Variants in ZNF804A observed in about 807,000 individuals in gnomAD.
ZNF804A encodes the protein zinc finger protein 804A.
A neutral mutation model predicts 16.5 loss-of-function variants in ZNF804A; 2 were observed. The ratio of observed to expected loss-of-function variants is 0.12; its 90% CI spans 0.05 to 0.38. The LOEUF (loss-of-function observed/expected upper bound fraction) is 0.38, where lower values mean the gene tolerates loss of function less well. ZNF804A is among the 10% of genes least tolerant of loss of function. ZNF804A has a pLI of 0.99. For synonymous variants in ZNF804A, 534 were observed against 489.6 expected (o/e 1.09, Z -1.20); for missense variants, 1,473 against 1,390.7 (o/e 1.06, Z -0.94).
chr2:184,637,558 A>G (rs1054096151), intron 1 of ZNF804A, among the ~76,000 whole-genome samples: 1 of 152,150 alleles, frequency 6.6e-6, no homozygotes, highest in Non-Finnish European at 1.5e-5. Flanking sequence ...CCAGGTTCCT[A>G]ATCTGTTAAT....
intron 1 of ZNF804A, among the ~76,000 whole-genome samples, chr2:184,754,807 C>T (rs1164803667): frequency 6.6e-6 from 1 of 151,506 alleles, no homozygotes; most frequent in African/African-American, 2.4e-5. Context: ...TTAGTGTAAT[C>T]ATATAAAAGT....
chr2:184,781,184 A>G (rs1400404218), intron 1 of ZNF804A, among the ~76,000 whole-genome samples: 2 of 151,778 alleles, frequency 1.3e-5, no homozygotes, highest in Non-Finnish European at 2.9e-5. Context: ...ACATCATTGC[A>G]GGAAATGACA....
intron 2 of ZNF804A, among the ~76,000 whole-genome samples, chr2:184,914,642 A>G (rs1443430358): frequency 1.3e-5 from 2 of 152,168 alleles, no homozygotes; most frequent in African/African-American, 2.4e-5. Flanking sequence ...AGGAGAAAAC[A>G]CTTGCTAAAC....
intron 1 of ZNF804A, among the ~76,000 whole-genome samples, chr2:184,603,135 T>C (rs376486774): frequency 6.6e-6 from 1 of 152,192 alleles, no homozygotes; most frequent in African/African-American, 2.4e-5. Flanking sequence ...AAAGAACTGC[T>C]AATTTACTAA....
At chr2:184,872,532 A>G (rs1004109329) in intron 2 of ZNF804A, among the ~76,000 whole-genome samples, 3 of 152,290 alleles carry the variant, frequency 2.0e-5, no homozygotes, top group African/African-American at 7.2e-5. Flanking sequence ...TAGACCATAT[A>G]TGATAAACCT....
chr2:184,725,938 A>C (rs1453335663), intron 1 of ZNF804A, among the ~76,000 whole-genome samples: 1 of 151,640 alleles, frequency 6.6e-6, no homozygotes, highest in Non-Finnish European at 1.5e-5. Flanking sequence ...CCTGAGATAC[A>C]TTTAAGGTGT....
intron 1 of ZNF804A, among the ~76,000 whole-genome samples, chr2:184,844,210 T>C (rs1250876551): frequency 6.6e-6 from 1 of 151,682 alleles, no homozygotes. Context: ...CTGTGATTCA[T>C]TTCATTTATA....
intron 1 of ZNF804A, among the ~76,000 whole-genome samples, chr2:184,621,235 A>T (rs1691413675): frequency 4.6e-5 from 7 of 151,742 alleles, no homozygotes; most frequent in Admixed American, 4.6e-4. Context: ...CAACACTGGT[A>T]GATAATTTTT....
In ZNF804A at chr2:184,733,416, T is replaced by G. The variant is rs898192254; in HGVS notation, c.112-132953T>G. On this transcript the variant is annotated intron_variant, in intron 1 of 3. Transcript: ENST00000302277. ...ATGTATTATTATTTTTATGAATTGT[T>G]GGATTTGATTTGATATAATTTGGAG... Among the ~76,000 whole-genome samples the G allele has an allele frequency of 2.6e-5, 4 of 152,118 alleles. 1 individual carries two copies. The highest frequency in any genetic ancestry group is 5.9e-5 in the Non-Finnish European group (4 of 68,006).
At chr2:184,707,383 T>C (rs1162669102) in intron 1 of ZNF804A, among the ~76,000 whole-genome samples, 1 of 152,150 alleles carries the variant, frequency 6.6e-6, no homozygotes, top group Non-Finnish European at 1.5e-5. Context: ...GGGATACAGA[T>C]GATCCTGTCA....
intron 1 of ZNF804A, among the ~76,000 whole-genome samples, chr2:184,818,950 C>T (rs897496164): frequency 4.6e-5 from 7 of 152,052 alleles, no homozygotes; most frequent in South Asian, 2.1e-4. Flanking sequence ...AGGACTCCCA[C>T]ACAATACTAG....
intron 1 of ZNF804A, among the ~76,000 whole-genome samples, chr2:184,855,509 C>T (rs1695672705): frequency 6.6e-6 from 1 of 151,918 alleles, no homozygotes; most frequent in Admixed American, 6.6e-5. Context: ...CCAAATGTGA[C>T]TTCATGAATT....
chr2:184,864,203 A>G (rs1695840813), intron 1 of ZNF804A, among the ~76,000 whole-genome samples: 1 of 152,110 alleles, frequency 6.6e-6, no homozygotes, highest in African/African-American at 2.4e-5. Context: ...ATGGAAGGGG[A>G]AGGGGAGCTG....
chr2:184,620,156 A>G (rs1691394358), intron 1 of ZNF804A, among the ~76,000 whole-genome samples: 1 of 151,870 alleles, frequency 6.6e-6, no homozygotes, highest in South Asian at 2.1e-4. Context: ...ACATAAAGTA[A>G]TCACACTTAA....
intron 1 of ZNF804A, among the ~76,000 whole-genome samples, chr2:184,602,059 T>C (rs532740981): frequency 1.3e-5 from 2 of 152,068 alleles, no homozygotes; most frequent in South Asian, 4.1e-4. Flanking sequence ...AACGTTATCC[T>C]GCCATTCATA....
intron 2 of ZNF804A, among the ~76,000 whole-genome samples, chr2:184,871,777 ATATTT>A (rs1489804831): frequency 1.3e-5 from 2 of 152,050 alleles, no homozygotes; most frequent in Non-Finnish European, 2.9e-5. Context: ...AGTTGATTTA[ATATTT>A]TAGTTTAGTT....
intron 1 of ZNF804A, among the ~76,000 whole-genome samples, chr2:184,756,033 T>C (rs965913832): frequency 6.6e-6 from 1 of 152,062 alleles, no homozygotes; most frequent in African/African-American, 2.4e-5. Context: ...AAACAAACTG[T>C]ATGAACACAA....
intron 1 of ZNF804A, among the ~76,000 whole-genome samples, chr2:184,743,728 C>G (rs1015670922): frequency 6.6e-6 from 1 of 151,754 alleles, no homozygotes; most frequent in African/African-American, 2.4e-5. Flanking sequence ...ACTCCCAAGA[C>G]TTAAAATATT....
chr2:184,734,107 C>A (rs1271297251), intron 1 of ZNF804A, among the ~76,000 whole-genome samples: 1 of 152,042 alleles, frequency 6.6e-6, no homozygotes, highest in East Asian at 1.9e-4. Context: ...TAGGATCTTG[C>A]CGTGTCACCC....
Sources: gnomAD v4.1 joint callset for allele counts (sites outside exome capture counted in the v4.1 genomes callset) on GRCh38, gnomAD v4.1.1 for gene constraint, MANE v1.5 for transcripts, NCBI Gene and HGNC (gene_info 2026-07-23, HGNC 2026-07-21) for gene names.